KCNH1: variants seen among roughly 807,000 people sequenced by gnomAD.
KCNH1 encodes the protein voltage-gated delayed rectifier potassium channel KCNH1.
KCNH1 carries 27 observed loss-of-function variants against 69.2 expected under a neutral mutation model. The ratio of observed to expected loss-of-function variants is 0.39; its 90% confidence interval spans 0.29 to 0.54. The LOEUF is 0.54. Ranked by LOEUF, KCNH1 falls within the 20% of genes least tolerant of loss-of-function variation. KCNH1 has a pLI of 0.68. For synonymous variants in KCNH1, 456 were observed against 487.7 expected, an observed-to-expected ratio of 0.93 and a Z score of 0.86; for missense variants, 798 against 1,261.6, an observed-to-expected ratio of 0.63 and a Z score of 5.57.
intron 5 of KCNH1, among the ~76,000 whole-genome samples, chr1:211,077,863 C>A (rs548988237): frequency 2.0e-5 from 3 of 151,868 alleles, no homozygotes; most frequent in South Asian, 4.2e-4. Flanking sequence ...TCAGGAGACC[C>A]ATCTCACATG....
chr1:210,737,660 C>T (rs192802673), intron 10 of KCNH1, among the ~76,000 whole-genome samples: 26 of 152,322 alleles, frequency 1.7e-4, no homozygotes, highest in Admixed American at 1.4e-3. Flanking sequence ...ACCCCTCAAA[C>T]TCCATCCTCC....
chr1:211,114,017 C>CACACACAG, intron 1 of KCNH1, among the ~76,000 whole-genome samples: 1 of 151,734 alleles, frequency 6.6e-6, no homozygotes, highest in East Asian at 1.9e-4. Flanking sequence ...CACACACACA[C>CACACACAG]AGAGAAAGAG....
At chr1:210,931,063 G>A (rs11119630) in intron 6 of KCNH1, among the ~76,000 whole-genome samples, 57,717 of 151,986 alleles carry the variant, frequency 0.38, 11,349 homozygotes, top group Non-Finnish European at 0.43. Flanking sequence ...TACACTGTTG[G>A]TGAGACTGTA....
chr1:210,712,008 C>G (rs74156037), intron 10 of KCNH1, among the ~76,000 whole-genome samples: 1,953 of 152,258 alleles, frequency 0.013, 31 homozygotes, highest in African/African-American at 0.045. Context: ...AGGGCCACAT[C>G]GGCCACCAGG....
chr1:211,114,969 T>C (rs942752575), intron 1 of KCNH1, among the ~76,000 whole-genome samples: 2 of 152,092 alleles, frequency 1.3e-5, no homozygotes. Context: ...TGTTTGTTTT[T>C]TGTTTTTTGT....
chr1:210,702,292 A>T (rs369779047), intron 10 of KCNH1, among the ~76,000 whole-genome samples: 3 of 152,158 alleles, frequency 2.0e-5, no homozygotes, highest in African/African-American at 7.2e-5. Flanking sequence ...GTGTTCTTAT[A>T]TTATTTTCTT....
At chr1:210,770,181 A>G (rs1032169260) in intron 10 of KCNH1, among the ~76,000 whole-genome samples, 1 of 151,772 alleles carries the variant, frequency 6.6e-6, no homozygotes, top group Non-Finnish European at 1.5e-5. Flanking sequence ...GAGGGGGAAC[A>G]TCACACACTG....
chr1:210,907,883 C>T (rs1687148438), intron 7 of KCNH1, among the ~76,000 whole-genome samples: 1 of 152,154 alleles, frequency 6.6e-6, no homozygotes, highest in Non-Finnish European at 1.5e-5. Flanking sequence ...ACCCCTTAAG[C>T]CATAAGTTGG....
intron 6 of KCNH1, among the ~76,000 whole-genome samples, chr1:210,999,906 A>G (rs941488693): frequency 6.6e-6 from 1 of 152,202 alleles, no homozygotes; most frequent in Admixed American, 6.5e-5. Context: ...AGAACCAAAG[A>G]CAAAAACCAC....
intron 6 of KCNH1, among the ~76,000 whole-genome samples, chr1:210,959,847 G>T (rs142294528): frequency 6.6e-6 from 1 of 152,120 alleles, no homozygotes; most frequent in Non-Finnish European, 1.5e-5. Context: ...GAAATCCCCC[G>T]ACCCTTTGCA....
At chr1:210,952,493 C>G (rs1688082509) in intron 6 of KCNH1, among the ~76,000 whole-genome samples, 2 of 152,174 alleles carry the variant, frequency 1.3e-5, no homozygotes, top group Admixed American at 1.3e-4. Flanking sequence ...ATCAGACAAA[C>G]CAATAATACT....
intron 7 of KCNH1, among the ~76,000 whole-genome samples, chr1:210,862,528 C>A (rs1686001475): frequency 1.3e-5 from 2 of 152,214 alleles, no homozygotes; most frequent in Admixed American, 1.3e-4. Context: ...GAGATAGGGT[C>A]TCACTATGTT....
At chr1:210,847,344 C>A (rs193061008) in intron 7 of KCNH1, among the ~76,000 whole-genome samples, 8 of 152,126 alleles carry the variant, frequency 5.3e-5, no homozygotes, top group African/African-American at 1.9e-4. Flanking sequence ...TGTCCAACAA[C>A]GATAGACTGG....
At chr1:210,902,805 G>A (rs546255899) in intron 7 of KCNH1, among the ~76,000 whole-genome samples, 1 of 152,088 alleles carries the variant, frequency 6.6e-6, no homozygotes, top group Non-Finnish European at 1.5e-5. Context: ...CCTTTGCTCA[G>A]ACAATCACTG....
Position 211,064,120 on chromosome 1 carries a change from A to T in KCNH1, c.558+18660T>A, listed in dbSNP as rs560546826. Among the ~76,000 whole-genome samples, 3 of 152,390 alleles carry T rather than the reference A, an allele frequency of 2.0e-5. No individual in the cohort carries two copies. The East Asian group carries it at 5.8e-4, about 29-fold the overall frequency. ...TTATCTGTAATTACCAAAGACTGGT[A>T]ACAATCCAAATATCTATCAACAGGG... On this transcript the variant is annotated intron_variant, in intron 5 of 10. Coordinates refer to ENST00000271751, the MANE Select transcript of KCNH1 (RefSeq NM_172362.3).
rs1681320953 is a variant in KCNH1, at chr1:210,683,359, A to T, written c.2892T>A (p.Ser964=). ...ILRILTSRRS[S]QSPQELFEIS... is the part of the protein sequence containing the mutation. Reference sequence around the variant, plus strand: ...TTTCAAACAACTCCTGAGGAGACTGAGAGGATCTTCTGGAAGTTAATATCC... The same window carrying T: ...TTTCAAACAACTCCTGAGGAGACTGTGAGGATCTTCTGGAAGTTAATATCC... The change falls in exon 11 of 11, where the codon TCT becomes TCA. Residue 964 remains serine (S), a synonymous_variant. Coordinates refer to ENST00000271751, the MANE Select transcript of KCNH1 (RefSeq NM_172362.3). The surrounding 1 kb of genome is among the most constrained non-coding windows in gnomAD (Gnocchi z 5.7). 1.2e-6 allele frequency: 2 copies of T among 1,614,048 alleles called. No individual in the cohort carries two copies. The highest frequency in any genetic ancestry group is 8.5e-7 in the Non-Finnish European group (1 of 1,179,960).
chr1:211,105,784 C>T (rs1225404294), intron 2 of KCNH1, among the ~76,000 whole-genome samples: 1 of 152,110 alleles, frequency 6.6e-6, no homozygotes, highest in Non-Finnish European at 1.5e-5. Context: ...GATGTAGATG[C>T]AGACAAATAG....
intron 7 of KCNH1, chr1:210,861,964 A>G (rs982715801): frequency 1.3e-6 from 1 of 758,436 alleles, no homozygotes. Flanking sequence ...AGTAAGCTGT[A>G]CCCTGATGAG....
intron 6 of KCNH1, among the ~76,000 whole-genome samples, chr1:210,958,571 C>T (rs1688228071): frequency 6.6e-6 from 1 of 152,218 alleles, no homozygotes; most frequent in Non-Finnish European, 1.5e-5. Context: ...TTGGTCTTTT[C>T]ACATAGTCCC....
Sources: gnomAD v4.1 joint callset for allele counts (sites outside exome capture counted in the v4.1 genomes callset) on GRCh38, gnomAD v4.1.1 for gene constraint, Gnocchi (gnomAD v3.1) non-coding constraint, MANE v1.5 for transcripts, NCBI Gene and HGNC (gene_info 2026-07-23, HGNC 2026-07-21) for gene names.